Variants in DDX60 observed in about 807,000 individuals in gnomAD.
The protein encoded by DDX60 is DExD/H-box helicase 60.
DDX60 carries 165 observed loss-of-function variants against 212.8 expected under a neutral mutation model. That is an observed-to-expected ratio of 0.78 (90% confidence interval 0.68 to 0.88). The LOEUF is 0.88. Ranked by LOEUF, DDX60 falls within the 40% of genes least tolerant of loss-of-function variation. DDX60 has a pLI of 0.00. For synonymous variants in DDX60, 703 were observed against 685.3 expected (o/e 1.03, Z -0.40); for missense variants, 1,905 against 2,003.9 (o/e 0.95, Z 0.94).
At position 168,306,620 on chromosome 4, in the gene DDX60, G is replaced by A. The variant is rs1462278659; in HGVS notation, c.365C>T (p.Thr122Ile). Reference sequence around the variant, plus strand: ...CTCTTTTGATAAGCATCTCGAAAATGTTGTTCGAACATCAATGGTGGTATT... The same window carrying A: ...CTCTTTTGATAAGCATCTCGAAAATATTGTTCGAACATCAATGGTGGTATT... The part of the protein sequence containing the change: ...QKNTTIDVRT[T>I]FSRCLSKEWG... Residue 122 changes from threonine (T) to isoleucine (I), a missense_variant, in exon 5 of 38, where the codon ACA becomes ATA. By Grantham distance (89) the Thr-to-Ile change is moderately conservative. Transcript: ENST00000393743. The A allele has an allele frequency of 6.2e-7, 1 of 1,614,082 alleles. No homozygotes were observed. Among genetic ancestry groups the A allele is most frequent in the African/African-American group, 1.3e-5 (1 of 75,060 alleles).
At chr4:168,297,255 GAAAGAAAGAAAGAAAAA>G in intron 6 of DDX60, among the ~76,000 whole-genome samples, 1 of 144,756 alleles carries the variant, frequency 6.9e-6, no homozygotes, top group African/African-American at 2.7e-5. Flanking sequence ...AACAGGGCTG[GAAAGAAAGAAAGAAAAA>G]GAAAGAAAGA....
chr4:168,261,907 G>T, intron 24 of DDX60, 93 bp downstream of exon 24: 1 of 1,368,982 alleles, frequency 7.3e-7, no homozygotes. Flanking sequence ...AAAAATTGAG[G>T]ATTAAAAAAA....
intron 35 of DDX60, among the ~76,000 whole-genome samples, chr4:168,223,157 G>C (rs1733122951): frequency 6.6e-6 from 1 of 151,962 alleles, no homozygotes; most frequent in Non-Finnish European, 1.5e-5. Context: ...GAAAACGGGA[G>C]ACAAGAAAAT....
At chr4:168,240,881 C>A (rs1291445372) in intron 30 of DDX60, among the ~76,000 whole-genome samples, 1 of 152,096 alleles carries the variant, frequency 6.6e-6, no homozygotes, top group African/African-American at 2.4e-5. Flanking sequence ...TCGGCATGGG[C>A]AATATTTCAT....
intron 35 of DDX60, among the ~76,000 whole-genome samples, chr4:168,222,484 TAAC>T (rs975484125): frequency 1.3e-5 from 2 of 152,044 alleles, no homozygotes; most frequent in African/African-American, 4.8e-5. Flanking sequence ...AAATAAATTT[TAAC>T]AACTAAGAAA....
At chr4:168,226,415 C>T (rs1733256809) in intron 33 of DDX60, among the ~76,000 whole-genome samples, 1 of 152,046 alleles carries the variant, frequency 6.6e-6, no homozygotes, top group Non-Finnish European at 1.5e-5. Flanking sequence ...CGCCAGAGAG[C>T]TCCCTTGCCC....
Position 168,267,963 on chromosome 4 carries a change from C to A in DDX60, c.2807G>T (p.Trp936Leu). The change falls in exon 21 of 38, where the codon TGG becomes TTG. Residue 936 changes from tryptophan to leucine, a missense_variant. Transcript: ENST00000393743. ...TATTTTGTCTTCTTGTTTCCAGTACCATTTTACCGATTGTAGCCACCTTAA... is the reference window on the plus strand; with the variant it reads ...TATTTTGTCTTCTTGTTTCCAGTACAATTTTACCGATTGTAGCCACCTTAA... Reference protein sequence around the residue: ...HLTEWLQSVKWYWKQEDKIIE... With the variant: ...HLTEWLQSVKLYWKQEDKIIE... The A allele has an allele frequency of 6.2e-7, 1 of 1,611,472 alleles. No homozygotes were observed. The highest frequency in any genetic ancestry group is 8.5e-7 in the Non-Finnish European group (1 of 1,178,666).
intron 18 of DDX60, among the ~76,000 whole-genome samples, chr4:168,272,531 G>A (rs187260074): frequency 1.8e-4 from 28 of 152,322 alleles, no homozygotes; most frequent in Non-Finnish European, 3.5e-4. Flanking sequence ...ATGAGCAGAG[G>A]GGGAAGCCTA....
At chr4:168,255,227 T>C (rs6552572) in intron 26 of DDX60, among the ~76,000 whole-genome samples, 15,679 of 152,214 alleles carry the variant, frequency 0.1, 1,806 homozygotes, top group African/African-American at 0.28. Context: ...AGAGATGTTA[T>C]ATTAGCTAAG....
chr4:168,316,723 A>C (rs1737397872), intron 1 of DDX60, among the ~76,000 whole-genome samples: 2 of 152,268 alleles, frequency 1.3e-5, no homozygotes, highest in East Asian at 1.9e-4. Flanking sequence ...TGGTATTTTT[A>C]AACGATAGCA....
intron 6 of DDX60, among the ~76,000 whole-genome samples, chr4:168,296,614 T>C (rs1438154706): frequency 1.3e-5 from 2 of 152,056 alleles, no homozygotes; most frequent in African/African-American, 4.8e-5. Flanking sequence ...TAAATTATAT[T>C]AAATTAATTG....
At chr4:168,261,378 C>G (rs551012105) in intron 24 of DDX60, among the ~76,000 whole-genome samples, 106 of 151,998 alleles carry the variant, frequency 7.0e-4, no homozygotes, top group Admixed American at 2.0e-3. Flanking sequence ...GACAGAATAG[C>G]TAGAAGAAAA....
intron 26 of DDX60, among the ~76,000 whole-genome samples, chr4:168,253,927 G>A (rs1200959839): frequency 3.3e-5 from 5 of 152,046 alleles, no homozygotes; most frequent in Non-Finnish European, 4.4e-5. Context: ...AGCTGTGCAC[G>A]GAAGACAATT....
At chr4:168,287,940 G>A (rs1368339820) in intron 9 of DDX60, among the ~76,000 whole-genome samples, 1 of 151,988 alleles carries the variant, frequency 6.6e-6, no homozygotes, top group East Asian at 1.9e-4. Context: ...TGCTGGACAC[G>A]CAAACATATA....
rs149073718 is a variant in DDX60 at position 168,244,388 on chromosome 4, A to T, written c.4164+2030T>A. Among the ~76,000 whole-genome samples the T allele has an allele frequency of 2.1e-3, 318 of 152,350 alleles. 1 individual carries two copies. In the Middle Eastern group the frequency reaches 0.031, roughly 15 times the overall value. On this transcript the variant is annotated intron_variant, in intron 30 of 37. Coordinates refer to ENST00000393743, the MANE Select transcript of DDX60 (RefSeq NM_017631.6). Reference sequence around the variant, plus strand: ...TAGAGACAATATAAATTGACATTTAAAAAGTACATTATTATGATATAAAAG... The same window carrying T: ...TAGAGACAATATAAATTGACATTTATAAAGTACATTATTATGATATAAAAG...
upstream of DDX60, chr4:168,318,785 T>C (rs1249530089): frequency 6.6e-6 from 1 of 152,290 alleles, no homozygotes; most frequent in Non-Finnish European, 1.5e-5. Context: ...CTTTTATGCA[T>C]CCGGCGGGAG....
chr4:168,275,899 A>C, intron 15 of DDX60, 116 bp downstream of exon 15: 1 of 930,468 alleles, frequency 1.1e-6, no homozygotes, highest in South Asian at 2.3e-5. Flanking sequence ...ACTACTAATA[A>C]TAGTATTTTC....
In DDX60 at chr4:168,267,691, A is replaced by G; in HGVS notation, c.2930T>C (p.Val977Ala). ...QVKQSYKVRL[V>A]LYGERYNDLE... The stretch of plus-strand genomic sequence containing the variant: ...ATCATTATACCTCTCTCCATAGAGC[A>G]CTAAAAATGAAGAACAAGAATTTCC... The change falls in exon 22 of 38, where the codon GTG (valine) becomes GCG (alanine). Residue 977 changes from valine (V) to alanine (A), a missense_variant and splice_region_variant. Transcript: ENST00000393743. The G allele has an allele frequency of 6.4e-7, 1 of 1,573,170 alleles. No individual in the cohort carries two copies. The highest frequency in any genetic ancestry group is 8.6e-7 in the Non-Finnish European group (1 of 1,159,990).
At chr4:168,238,236 CAAAAAAAAAAA>C in intron 30 of DDX60, among the ~76,000 whole-genome samples, 1 of 80,894 alleles carries the variant, frequency 1.2e-5, no homozygotes, top group African/African-American at 4.2e-5. Flanking sequence ...TATGAAATTC[CAAAAAAAAAAA>C]AAAAAAAAAA....
Sources: gnomAD v4.1 joint callset for allele counts (sites outside exome capture counted in the v4.1 genomes callset) on GRCh38, gnomAD v4.1.1 for gene constraint, MANE v1.5 for transcripts, NCBI Gene and HGNC (gene_info 2026-07-23, HGNC 2026-07-21) for gene names.